Variants in RXRA observed in about 807,000 individuals in gnomAD.
The protein encoded by RXRA is retinoic acid receptor RXR-alpha.
In RXRA, 5 loss-of-function variants were observed where a neutral mutation model predicts 44.5. The ratio of observed to expected loss-of-function variants is 0.11; its 90% confidence interval spans 0.06 to 0.24. The LOEUF (loss-of-function observed/expected upper bound fraction) is 0.24, where lower values mean the gene tolerates loss of function less well. Among genes scored for constraint, RXRA ranks in the 10% least tolerant of loss-of-function variants. The probability of loss-of-function intolerance (pLI) is 1.00; values close to 1 mark genes in which losing one functional copy is unlikely to be tolerated. For missense variants in RXRA, 412 were observed against 646.5 expected, an observed-to-expected ratio of 0.64 and a Z score of 3.93; for synonymous variants, 291 against 271.4, an observed-to-expected ratio of 1.07 and a Z score of -0.71.
chr9:134,406,969 C>G (rs3132299), intron 2 of RXRA, among the ~76,000 whole-genome samples: 129,083 of 152,178 alleles, frequency 0.85, 55,143 homozygotes, highest in African/African-American at 0.95. Context: ...TGGCCACCCG[C>G]TTCTCCAGTG....
At chr9:134,406,711 G>A (rs191264101) in intron 2 of RXRA, among the ~76,000 whole-genome samples, 10 of 152,318 alleles carry the variant, frequency 6.6e-5, no homozygotes, top group East Asian at 1.9e-4. Flanking sequence ...CTTCACTTTC[G>A]CCTTCTGCAG....
intron 1 of RXRA, among the ~76,000 whole-genome samples, chr9:134,350,665 T>C (rs1830210218): frequency 6.6e-6 from 1 of 152,206 alleles, no homozygotes; most frequent in Non-Finnish European, 1.5e-5. Context: ...AGCTCCACCC[T>C]GCCCTTCCCC....
chr9:134,353,673 G>A lies in RXRA; in HGVS notation c.28+27014G>A, dbSNP rs567617431. Among the ~76,000 whole-genome samples the A allele has an allele frequency of 8.5e-5, 13 of 152,362 alleles. 1 individual carries two copies. The South Asian group carries it at 2.7e-3, about 32-fold the overall frequency. Reference sequence around the variant, plus strand: ...CCTCCTGCTTTCCCCAGGGTGGCAGGGCAGAGGTGCCCTTGGGGTGGGGGT... The same window carrying A: ...CCTCCTGCTTTCCCCAGGGTGGCAGAGCAGAGGTGCCCTTGGGGTGGGGGT... On this transcript the variant is annotated intron_variant, in intron 1 of 9. Coordinates refer to ENST00000481739, the MANE Select transcript of RXRA (RefSeq NM_002957.6).
At chr9:134,389,171 C>T (rs545180027) in intron 1 of RXRA, among the ~76,000 whole-genome samples, 1 of 152,356 alleles carries the variant, frequency 6.6e-6, no homozygotes, top group East Asian at 1.9e-4. Context: ...CTCTGGATGG[C>T]ACAGACTGCA....
At position 134,332,060 on chromosome 9, in the gene RXRA, G is replaced by A. The variant is rs531871743; in HGVS notation, c.28+5401G>A. Among the ~76,000 whole-genome samples, 9 of 152,328 alleles carry A rather than the reference G, an allele frequency of 5.9e-5. No homozygotes were observed. In the East Asian group the frequency reaches 1.3e-3, roughly 23 times the overall value. On this transcript the variant is annotated intron_variant, in intron 1 of 9. Transcript: ENST00000481739. Reference sequence around the variant, plus strand: ...GGGACTGGGCATCTTGGCCTCTTGTGCTGGTTGAAGGCCCTCTAAGGAGTG... The same window carrying A: ...GGGACTGGGCATCTTGGCCTCTTGTACTGGTTGAAGGCCCTCTAAGGAGTG...
rs1831578541 is a variant in RXRA, at chr9:134,434,212, G to T, written c.1241+5G>T. 1 of 1,599,508 alleles carries T rather than the reference G, an allele frequency of 6.3e-7. No individual in the cohort carries two copies. The highest frequency in any genetic ancestry group is 8.6e-7 in the Non-Finnish European group (1 of 1,167,318). ...GTACCCAGAGCAGCCGGGAAGGTGGGTCCCGCCCCGTCCCACACACACCCC... is the reference window on the plus strand; with the variant it reads ...GTACCCAGAGCAGCCGGGAAGGTGGTTCCCGCCCCGTCCCACACACACCCC... On this transcript the variant is annotated splice_donor_5th_base_variant and intron_variant, in intron 9 of 9. Coordinates refer to ENST00000481739, the MANE Select transcript of RXRA (RefSeq NM_002957.6).
intron 1 of RXRA, among the ~76,000 whole-genome samples, chr9:134,345,836 CG>C (rs1830143760): frequency 6.6e-6 from 1 of 152,196 alleles, no homozygotes; most frequent in African/African-American, 2.4e-5. Flanking sequence ...TGACTAAACA[CG>C]TGTCAGTTCC....
Position 134,417,356 on chromosome 9 carries a change from A to G in RXRA, c.780+29A>G. The G allele has an allele frequency of 5.6e-6, 9 of 1,605,460 alleles. No homozygotes were observed. Among genetic ancestry groups the G allele is most frequent in the Non-Finnish European group, 7.7e-6 (9 of 1,174,024 alleles). On this transcript the variant is annotated intron_variant, in intron 5 of 9. Coordinates refer to ENST00000481739, the MANE Select transcript of RXRA (RefSeq NM_002957.6). The surrounding 1 kb of genome is among the most constrained non-coding windows in gnomAD (Gnocchi z 6.1). Reference sequence around the variant, plus strand: ...AGTTGCAGCCTGTGCAGGGGTGGGCAGCCTCACATGCCTCAGTTTCCCTCA... The same window carrying G: ...AGTTGCAGCCTGTGCAGGGGTGGGCGGCCTCACATGCCTCAGTTTCCCTCA...
intron 1 of RXRA, among the ~76,000 whole-genome samples, chr9:134,385,721 C>T (rs993766743): frequency 8.5e-5 from 13 of 152,354 alleles, no homozygotes; most frequent in Middle Eastern, 3.4e-3. Flanking sequence ...ACCCTGCATC[C>T]GGTTTTCCAG....
intron 1 of RXRA, among the ~76,000 whole-genome samples, chr9:134,356,573 G>A (rs1178067586): frequency 3.9e-5 from 6 of 152,206 alleles, no homozygotes; most frequent in African/African-American, 1.4e-4. Flanking sequence ...GGCTGGAGAA[G>A]GTCCGTGCCT....
chr9:134,386,573 GCCTGTGGTCTGGTCACGGCTGCT>G (rs1312772194), intron 1 of RXRA, among the ~76,000 whole-genome samples: 1 of 152,228 alleles, frequency 6.6e-6, no homozygotes, highest in African/African-American at 2.4e-5. Flanking sequence ...CGTGGAGCAT[GCCTGTGGTCTGGTCACGGCTGCT>G]CCGTACGTGG....
chr9:134,370,678 G>T (rs1026498362), intron 1 of RXRA, among the ~76,000 whole-genome samples: 2 of 152,224 alleles, frequency 1.3e-5, no homozygotes, highest in Non-Finnish European at 2.9e-5. Context: ...CCGTGTGCTG[G>T]CTGGGCCCTG....
At chr9:134,390,059 A>T (rs1369654622) in intron 1 of RXRA, among the ~76,000 whole-genome samples, 1 of 152,008 alleles carries the variant, frequency 6.6e-6, no homozygotes, top group Non-Finnish European at 1.5e-5. Context: ...CTTGATGAGG[A>T]TGGGGGTGGC....
At chr9:134,424,998 G>T (rs944873876) in intron 6 of RXRA, 1 of 985,324 alleles carries the variant, frequency 1.0e-6, no homozygotes, top group Non-Finnish European at 1.2e-6. Flanking sequence ...GGTCACTTCC[G>T]CTGGGCGACA....
chr9:134,355,804 A>G (rs62576324), intron 1 of RXRA, among the ~76,000 whole-genome samples: 12,026 of 152,244 alleles, frequency 0.079, 568 homozygotes, highest in Middle Eastern at 0.14. Context: ...GCAGCTGTGC[A>G]GGAGAATTCC....
chr9:134,412,289 C>T (rs995777868), intron 4 of RXRA, among the ~76,000 whole-genome samples: 2 of 152,224 alleles, frequency 1.3e-5, no homozygotes, highest in African/African-American at 4.8e-5. Context: ...GTGGGCAGCT[C>T]CGCCCACTGG....
intron 4 of RXRA, among the ~76,000 whole-genome samples, chr9:134,414,004 A>T (rs569574283): frequency 1.3e-5 from 2 of 151,984 alleles, no homozygotes; most frequent in African/African-American, 4.8e-5. Context: ...GTTTACAGAC[A>T]CCTCCCGCCC....
intron 1 of RXRA, among the ~76,000 whole-genome samples, chr9:134,400,937 C>T (rs1488604698): frequency 5.9e-5 from 9 of 152,186 alleles, no homozygotes; most frequent in South Asian, 2.1e-4. Context: ...GTCCGGTGCC[C>T]GGGCGACCAC....
At chr9:134,398,275 C>T (rs564149811) in intron 1 of RXRA, among the ~76,000 whole-genome samples, 3 of 152,298 alleles carry the variant, frequency 2.0e-5, no homozygotes, top group South Asian at 2.1e-4. Context: ...CCACCCTGCC[C>T]GGCCCCAAAG....
Sources: gnomAD v4.1 joint callset for allele counts (sites outside exome capture counted in the v4.1 genomes callset) on GRCh38, gnomAD v4.1.1 for gene constraint, Gnocchi (gnomAD v3.1) non-coding constraint, MANE v1.5 for transcripts, NCBI Gene and HGNC (gene_info 2026-07-23, HGNC 2026-07-21) for gene names.